The following ANKRD13D variants were observed in gnomAD, a reference collection of about 807,000 sequenced individuals.
ANKRD13D encodes the protein ankyrin repeat domain 13D.
A neutral mutation model predicts 68.8 loss-of-function variants in ANKRD13D; 24 were observed. The observed-to-expected ratio is 0.35, with a 90% confidence interval of 0.25 to 0.49. ANKRD13D has a LOEUF of 0.49. Among genes scored for constraint, ANKRD13D ranks in the 20% least tolerant of loss-of-function variants. The probability of loss-of-function intolerance (pLI) is 0.99; values close to 1 mark genes in which losing one functional copy is unlikely to be tolerated. For synonymous variants in ANKRD13D, 331 were observed against 336.1 expected (o/e 0.98, Z 0.16); for missense variants, 735 against 832.1 (o/e 0.88, Z 1.44).
chr11:67,290,380 T>C lies in ANKRD13D; in HGVS notation c.285T>C (p.Tyr95=). 6.3e-7 allele frequency: 1 copy of C among 1,589,096 alleles called. No homozygotes were observed. The highest frequency in any genetic ancestry group is 8.6e-7 in the Non-Finnish European group (1 of 1,168,786). Residue 95 remains tyrosine, a synonymous_variant, in exon 3 of 15, where the codon TAT becomes TAC. Transcript: ENST00000511455. ...DPEMVQLVLQ[Y]RDYQRATQRL... Reference sequence around the variant, plus strand: ...AGATGGTGCAGCTGGTGCTCCAGTATCGGGACTACCAGAGGGCCACGCAGA... The same window carrying C: ...AGATGGTGCAGCTGGTGCTCCAGTACCGGGACTACCAGAGGGCCACGCAGA...
In ANKRD13D at chr11:67,300,753, G is replaced by C; in HGVS notation, c.1074-237G>C. The stretch of plus-strand genomic sequence containing the variant: ...GCACCTGGCCTCCTTGTCCAGACCA[G>C]ATGAGCTGGTACGAAATCCTCAGGA... On this transcript the variant is annotated intron_variant, in intron 10 of 14. Coordinates refer to ENST00000511455, the MANE Select transcript of ANKRD13D (RefSeq NM_207354.3). This position sits in a 1 kb window ranked among gnomAD's most constrained non-coding sequence, Gnocchi z 4.3. 1.7e-6 allele frequency: 1 copy of C among 591,418 alleles called. No homozygotes were observed. The highest frequency in any genetic ancestry group is 3.0e-6 in the Non-Finnish European group (1 of 335,932). 36.6% of individuals were successfully genotyped at this position (591,418 alleles called of 1,614,324 possible).
intron 3 of ANKRD13D, 141 bp downstream of exon 3, chr11:67,290,587 C>T (rs1423812406): frequency 3.0e-6 from 4 of 1,321,342 alleles, no homozygotes; most frequent in African/African-American, 3.0e-5. Context: ...CTATCTTGAC[C>T]CCAGCCCAGG....
At position 67,290,518 on chromosome 11, in the gene ANKRD13D, G is replaced by A. The variant is rs115905247; in HGVS notation, c.351+72G>A. The stretch of plus-strand genomic sequence containing the variant: ...CACCCTGGTTACTGTGCCAGGCCTG[G>A]CCTTGGAAAGGCACCCAGTTTGTGC... On this transcript the variant is annotated intron_variant, in intron 3 of 14. Transcript: ENST00000511455. 6.9e-4 allele frequency: 1,027 copies of A among 1,492,158 alleles called. 5 individuals carry two copies. The African/African-American group carries it at 0.012, about 18-fold the overall frequency. The allele number at this position is 1,492,158 out of a possible 1,614,324, so 92.4% of individuals were successfully genotyped here.
chr11:67,300,972 C>T lies in ANKRD13D; in HGVS notation c.1074-18C>T, dbSNP rs745478896. ...CCACCAGCCGTGCCTCACCCATGTCCTGTGGTCGGCTGGGCAGGTTCAAGG... is the reference window on the plus strand; with the variant it reads ...CCACCAGCCGTGCCTCACCCATGTCTTGTGGTCGGCTGGGCAGGTTCAAGG... On this transcript the variant is annotated intron_variant, in intron 10 of 14. Transcript: ENST00000511455. This position sits in a 1 kb window ranked among gnomAD's most constrained non-coding sequence, Gnocchi z 4.3. 10 of 1,613,006 alleles carry T rather than the reference C, an allele frequency of 6.2e-6. No homozygotes were observed. Among genetic ancestry groups the T allele is most frequent in the Non-Finnish European group, 8.5e-6 (10 of 1,179,664 alleles).
In ANKRD13D at chr11:67,301,390, C is replaced by A; in HGVS notation, c.1340C>A (p.Ala447Asp). Residue 447 changes from alanine (A) to aspartate (D), a missense_variant, in exon 12 of 15, where the codon GCC (alanine) becomes GAC (aspartate). Transcript: ENST00000511455. The surrounding 1 kb of genome is among the most constrained non-coding windows in gnomAD (Gnocchi z 4.5). ...GTGCCGGCCCCCAGCTCTGCTGTTGCCGCATCAGGTACCCCAACGGGAGGA... is the reference window on the plus strand; with the variant it reads ...GTGCCGGCCCCCAGCTCTGCTGTTGACGCATCAGGTACCCCAACGGGAGGA... ...VWVPAPSSAVAASGNPFPCEV... is the reference protein window; with the variant it reads ...VWVPAPSSAVDASGNPFPCEV... The A allele has an allele frequency of 6.2e-7, 1 of 1,611,066 alleles. No homozygotes were observed. The highest frequency in any genetic ancestry group is 8.5e-7 in the Non-Finnish European group (1 of 1,178,562).
chr11:67,296,660 T>C (rs146628705), intron 6 of ANKRD13D, among the ~76,000 whole-genome samples: 1 of 152,018 alleles, frequency 6.6e-6, no homozygotes, highest in African/African-American at 2.4e-5. Context: ...GACAGAGTCT[T>C]ACTCTGTCAC....
rs1860569570 is a variant in ANKRD13D, at chr11:67,291,844, A to C, written c.541+98A>C. 3.3e-6 allele frequency: 5 copies of C among 1,536,104 alleles called. No homozygotes were observed. In the Admixed American group the frequency reaches 7.7e-5, roughly 24 times the overall value. ...TTTTCTCTCCACTTTCCAGATGTGG[A>C]AGCTGAGGTTGGGGATGGAGGGGCA... is the stretch of plus-strand genomic sequence containing the variant. On this transcript the variant is annotated intron_variant, in intron 5 of 14. Transcript: ENST00000511455.
chr11:67,299,388 T>C lies in ANKRD13D; in HGVS notation c.799-142T>C. The C allele has an allele frequency of 1.3e-6, 1 of 783,852 alleles. No individual in the cohort carries two copies. Among genetic ancestry groups the C allele is most frequent in the Middle Eastern group, 2.3e-4 (1 of 4,272 alleles). The allele number at this position is 783,852 out of a possible 1,614,324, so 48.6% of individuals were successfully genotyped here. On this transcript the variant is annotated intron_variant, in intron 7 of 14. Transcript: ENST00000511455. This position sits in a 1 kb window ranked among gnomAD's most constrained non-coding sequence, Gnocchi z 6.2. ...TCTCCTCGTTGGTGACTTCCTGGGG[T>C]TCAGACCCTGCCACCTCCTCCATTT...
chr11:67,295,842 T>G (rs943714396), intron 6 of ANKRD13D, among the ~76,000 whole-genome samples: 2 of 152,236 alleles, frequency 1.3e-5, no homozygotes, highest in African/African-American at 4.8e-5. Context: ...AGTCTTACCA[T>G]TAAGTATGAT....
At position 67,299,116 on chromosome 11, in the gene ANKRD13D, G is replaced by A. The variant is rs371435656; in HGVS notation, c.790G>A (p.Glu264Lys). ...GAAGATGGAAACTGTTAGCGGCTAC[G>A]AGGCCAAGGCAGGAGAGGCTAGGGG... Reference protein sequence around the residue: ...SEKMETVSGYEAKVYSATNVE... With the variant: ...SEKMETVSGYKAKVYSATNVE... Residue 264 changes from glutamate (E) to lysine (K), a missense_variant, in exon 7 of 15, where the codon GAG becomes AAG. Transcript: ENST00000511455. The surrounding 1 kb of genome is among the most constrained non-coding windows in gnomAD (Gnocchi z 6.2). The A allele has an allele frequency of 7.4e-6, 12 of 1,612,746 alleles. No homozygotes were observed. The African/African-American group carries it at 9.4e-5, about 13-fold the overall frequency.
chr11:67,296,264 T>C (rs923083932), intron 6 of ANKRD13D, among the ~76,000 whole-genome samples: 2 of 152,160 alleles, frequency 1.3e-5, no homozygotes, highest in Non-Finnish European at 2.9e-5. Flanking sequence ...TTTTTTTTAA[T>C]AGTTTGCAAA....
chr11:67,298,914 A>AG (rs1007435029), intron 6 of ANKRD13D, 144 bp from the exon 7 acceptor site: 71 of 797,668 alleles, frequency 8.9e-5, no homozygotes, highest in Non-Finnish European at 1.4e-4. Flanking sequence ...CACCCTCTTC[A>AG]GGGGTCCTCC....
chr11:67,298,310 C>T (rs943137823), intron 6 of ANKRD13D: 1 of 152,174 alleles, frequency 6.6e-6, no homozygotes, highest in Admixed American at 6.5e-5. Context: ...GATCCACCCC[C>T]CTTGGCTTCC....
Position 67,299,787 on chromosome 11 carries a change from G to A in ANKRD13D, c.881-40G>A, listed in dbSNP as rs756786939. On this transcript the variant is annotated intron_variant, in intron 8 of 14. Coordinates refer to ENST00000511455, the MANE Select transcript of ANKRD13D (RefSeq NM_207354.3). This position sits in a 1 kb window ranked among gnomAD's most constrained non-coding sequence, Gnocchi z 6.2. ...GTGGAGGTGGGCAGGGGCGATGCGA[G>A]CATTGTGACCCCTTACCAGCTCCCA... 4 of 1,533,956 alleles carry A rather than the reference G, an allele frequency of 2.6e-6. No homozygotes were observed. Among genetic ancestry groups the A allele is most frequent in the East Asian group, 2.3e-5 (1 of 44,204 alleles).
rs1380936048 is a variant in ANKRD13D, at chr11:67,300,551, C to T, written c.1073+428C>T. On this transcript the variant is annotated intron_variant, in intron 10 of 14. Transcript: ENST00000511455. This position sits in a 1 kb window ranked among gnomAD's most constrained non-coding sequence, Gnocchi z 4.3. The stretch of plus-strand genomic sequence containing the variant: ...GCCTGCACAAGCCTAGCGCTCTCCC[C>T]ACCATCTCAGGAGGATTCTCTTAGC... The T allele has an allele frequency of 5.8e-6, 2 of 343,396 alleles. No individual in the cohort carries two copies. The highest frequency in any genetic ancestry group is 1.1e-5 in the Non-Finnish European group (2 of 188,068). The allele number at this position is 343,396 out of a possible 1,614,324, so 21.3% of individuals were successfully genotyped here.
In ANKRD13D at chr11:67,290,288, T is replaced by C. The variant is rs1351842649; in HGVS notation, c.227-34T>C. On this transcript the variant is annotated intron_variant, in intron 2 of 14. Transcript: ENST00000511455. Reference sequence around the variant, plus strand: ...GTGAGCAGCCAGGCCTGGGGTCATCTGGAGGGCTCCCCTCAGCAGCCTGGT... The same window carrying C: ...GTGAGCAGCCAGGCCTGGGGTCATCCGGAGGGCTCCCCTCAGCAGCCTGGT... 3 of 1,547,102 alleles carry C rather than the reference T, an allele frequency of 1.9e-6. No homozygotes were observed. In the African/African-American group the frequency reaches 4.1e-5, roughly 21 times the overall value.
rs576355200 is a variant in ANKRD13D at position 67,293,494 on chromosome 11, A to T, written c.731+1314A>T. Among the ~76,000 whole-genome samples the T allele has an allele frequency of 1.2e-3, 187 of 151,976 alleles. 2 individuals carry two copies. The highest frequency in any genetic ancestry group is 2.4e-3 in the Non-Finnish European group (160 of 68,008). ...TATTCAGATCCTTTACTCATTTTTT[A>T]TTTAACTTAATTAACTTATTTATTT... On this transcript the variant is annotated intron_variant, in intron 6 of 14. Transcript: ENST00000511455.
rs1366422572 is a variant in ANKRD13D, at chr11:67,292,162, G to A, written c.713G>A (p.Arg238His). Residue 238 changes from arginine to histidine, a missense_variant, in exon 6 of 15, where the codon CGT becomes CAT. Transcript: ENST00000511455. ...ATCGTCTCCACCCACCTGGACACTC[G>A]TAATGTGGCCTTTGAGAGGTCGGTC... ...SPIVSTHLDT[R>H]NVAFERNKCG... is the part of the protein sequence containing the mutation. 1.8e-5 allele frequency: 29 copies of A among 1,594,740 alleles called. No homozygotes were observed. Among genetic ancestry groups the A allele is most frequent in the Non-Finnish European group, 2.2e-5 (26 of 1,165,158 alleles).
intron 6 of ANKRD13D, among the ~76,000 whole-genome samples, chr11:67,294,736 C>G (rs553803240): frequency 1.5e-4 from 23 of 152,174 alleles, no homozygotes; most frequent in African/African-American, 4.6e-4. Context: ...GACAGGATTT[C>G]ACCATGTCGG....
Sources: allele counts gnomAD v4.1 joint callset (sites outside exome capture counted in the v4.1 genomes callset), GRCh38; gene constraint gnomAD v4.1.1; non-coding constraint Gnocchi (gnomAD v3.1); transcripts MANE v1.5; gene names NCBI Gene and HGNC (gene_info 2026-07-23, HGNC 2026-07-21).